Variants in CD8A observed in about 807,000 individuals in gnomAD.
CD8A encodes the protein CD8 subunit alpha, also known as T-cell surface glycoprotein CD8 alpha chain.
CD8A carries 25 observed loss-of-function variants against 24.2 expected under a neutral mutation model. That is an observed-to-expected ratio of 1.03 (90% CI 0.75 to 1.44). The LOEUF (loss-of-function observed/expected upper bound fraction) is 1.44, where lower values mean the gene tolerates loss of function less well. Ranked by LOEUF, CD8A falls within the 40% of genes most tolerant of loss-of-function variation. The pLI, the probability that CD8A is intolerant of heterozygous loss-of-function variation, is 0.00. For synonymous variants in CD8A, 165 were observed against 149.9 expected (o/e 1.10, Z -0.74); for missense variants, 360 against 319.7 (o/e 1.13, Z -0.96).
intron 5 of CD8A, among the ~76,000 whole-genome samples, chr2:86,786,648 A>C (rs3020728): frequency 0.1 from 15,285 of 152,216 alleles, 1,051 homozygotes; most frequent in Non-Finnish European, 0.16. Flanking sequence ...ATTCATCTCA[A>C]AATGAGAGTT....
upstream of CD8A, among the ~76,000 whole-genome samples, chr2:86,793,146 C>A (rs1383014357): frequency 2.0e-5 from 3 of 152,162 alleles, no homozygotes; most frequent in African/African-American, 7.2e-5. Flanking sequence ...TCTTGTTTCA[C>A]AGTAGAAGGA....
Position 86,785,041 on chromosome 2 carries a change from A to G in CD8A, c.*879T>C, listed in dbSNP as rs769432291. On this transcript the variant is annotated 3_prime_UTR_variant, in exon 6 of 6. Transcript: ENST00000283635. ...ATCCCAGGAACATGTTTGTATCTCAAATTCAGAGATTCAAGAGGGCCTTAG... is the reference window on the plus strand; with the variant it reads ...ATCCCAGGAACATGTTTGTATCTCAGATTCAGAGATTCAAGAGGGCCTTAG... The G allele has an allele frequency of 8.8e-6, 4 of 453,778 alleles. No individual in the cohort carries two copies. The highest frequency in any genetic ancestry group is 1.6e-5 in the South Asian group (1 of 64,470). 28.1% of individuals were successfully genotyped at this position (453,778 alleles called of 1,614,324 possible).
At chr2:86,796,234 T>C (rs181546317) in intron 3 of CD8A, among the ~76,000 whole-genome samples, 1 of 152,156 alleles carries the variant, frequency 6.6e-6, no homozygotes, top group Non-Finnish European at 1.5e-5. Context: ...TATATTAGCA[T>C]GGTGAAGTGT....
intron 2 of CD8A, among the ~76,000 whole-genome samples, chr2:86,804,576 ATTG>A (rs1297703460): frequency 2.0e-5 from 3 of 152,118 alleles, no homozygotes; most frequent in Admixed American, 6.5e-5. Flanking sequence ...AAATGGTAAG[ATTG>A]TTATGTGTAT....
At chr2:86,793,219 C>A (rs1333381768), upstream of CD8A, among the ~76,000 whole-genome samples, 1 of 152,112 alleles carries the variant, frequency 6.6e-6, no homozygotes, top group East Asian at 1.9e-4. Context: ...TATGGGTGTT[C>A]CATAATTTAA....
chr2:86,803,353 A>T (rs934267674), intron 2 of CD8A, among the ~76,000 whole-genome samples: 2 of 152,230 alleles, frequency 1.3e-5, no homozygotes, highest in Admixed American at 6.5e-5. Context: ...TAACCAAGAT[A>T]TGGAGACAAC....
chr2:86,785,588 G>T lies in CD8A; in HGVS notation c.*332C>A. 1.8e-6 allele frequency: 1 copy of T among 549,264 alleles called. No individual in the cohort carries two copies. Among genetic ancestry groups the T allele is most frequent in the Non-Finnish European group, 3.5e-6 (1 of 288,458 alleles). The allele number at this position is 549,264 out of a possible 1,614,324, so 34.0% of individuals were successfully genotyped here. ...TAGCCTCCCCCTTTGTAAAACGGGC[G>T]GGGAAGAGGTTGAGATGGCATGGGT... On this transcript the variant is annotated 3_prime_UTR_variant, in exon 6 of 6. Transcript: ENST00000283635.
chr2:86,789,410 C>A lies in CD8A; in HGVS notation c.538G>T (p.Ala180Ser), dbSNP rs903026228. Residue 180 changes from alanine to serine, a missense_variant, in exon 4 of 6, where the codon GCC (alanine) becomes TCC (serine). Physicochemically the swap from Ala to Ser is moderately conservative, Grantham distance 99. Coordinates refer to ENST00000283635, the MANE Select transcript of CD8A (RefSeq NM_001768.7). ...GGCGCCCAGATGTAGATATCACAGGCGAAGTCCAGCCCCCTCGTGTGCACT... is the reference window on the plus strand; with the variant it reads ...GGCGCCCAGATGTAGATATCACAGGAGAAGTCCAGCCCCCTCGTGTGCACT... ...GAVHTRGLDF[A>S]CDIYIWAPLA... is the part of the protein sequence containing the mutation. The A allele has an allele frequency of 6.2e-7, 1 of 1,613,930 alleles. No homozygotes were observed. Among genetic ancestry groups the A allele is most frequent in the East Asian group, 2.2e-5 (1 of 44,862 alleles).
intron 3 of CD8A, among the ~76,000 whole-genome samples, chr2:86,798,395 G>C (rs187370289): frequency 6.6e-6 from 1 of 151,724 alleles, no homozygotes; most frequent in Non-Finnish European, 1.5e-5. Context: ...GGCTGGTCTC[G>C]AACTCCCAAC....
chr2:86,789,544 C>A, intron 3 of CD8A, 96 bp downstream of exon 3: 1 of 1,311,984 alleles, frequency 7.6e-7, no homozygotes, highest in Non-Finnish European at 1.1e-6. Flanking sequence ...ACCACTTGGA[C>A]AGCCCTTGAC....
intron 3 of CD8A, among the ~76,000 whole-genome samples, chr2:86,800,202 G>A (rs1049722991): frequency 3.3e-5 from 5 of 152,096 alleles, no homozygotes; most frequent in Admixed American, 6.5e-5. Flanking sequence ...GCTCATGCCT[G>A]TAATCCCAGC....
chr2:86,786,422 C>A (rs906372521), intron 5 of CD8A, among the ~76,000 whole-genome samples: 1 of 152,178 alleles, frequency 6.6e-6, no homozygotes, highest in Non-Finnish European at 1.5e-5. Flanking sequence ...AATGATGTTA[C>A]GCTAAAAACG....
chr2:86,791,032 A>G, upstream of CD8A: 1 of 715,710 alleles, frequency 1.4e-6, no homozygotes, highest in Non-Finnish European at 2.5e-6. Context: ...CCCGGCGAGG[A>G]GGCTGGGGCC....
intron 3 of CD8A, among the ~76,000 whole-genome samples, chr2:86,801,174 C>CT (rs971410902): frequency 1.3e-5 from 2 of 152,242 alleles, no homozygotes. Context: ...TTGAAGCCAC[C>CT]TAGTTTGTGG....
chr2:86,794,132 C>T (rs746238427), upstream of CD8A, among the ~76,000 whole-genome samples: 3 of 152,058 alleles, frequency 2.0e-5, no homozygotes, highest in Non-Finnish European at 4.4e-5. Flanking sequence ...TTCCCAAACC[C>T]CACACTGTAG....
intron 2 of CD8A, 29 bp downstream of exon 2, chr2:86,790,299 G>C (rs200235272): frequency 6.6e-7 from 1 of 1,514,022 alleles, no homozygotes; most frequent in East Asian, 2.3e-5. Flanking sequence ...AGCCCCACGC[G>C]GAGAGGTGCC....
At chr2:86,797,885 C>T (rs1470185382) in intron 3 of CD8A, among the ~76,000 whole-genome samples, 1 of 152,140 alleles carries the variant, frequency 6.6e-6, no homozygotes, top group Non-Finnish European at 1.5e-5. Flanking sequence ...TTAATTATGA[C>T]AGAAAGATGG....
In CD8A at chr2:86,790,635, G is replaced by C; in HGVS notation, c.96C>G (p.Thr32=). 6.2e-7 allele frequency: 1 copy of C among 1,604,160 alleles called. No homozygotes were observed. The highest frequency in any genetic ancestry group is 8.5e-7 in the Non-Finnish European group (1 of 1,179,138). ...GCTCCACTGTCTCGCCCAGGTTCCAGGTCCGATCCAGCGGCGACACCCGGA... is the reference window on the plus strand; with the variant it reads ...GCTCCACTGTCTCGCCCAGGTTCCACGTCCGATCCAGCGGCGACACCCGGA... ...SQFRVSPLDR[T]WNLGETVELK... The change falls in exon 2 of 6, where the codon ACC becomes ACG. Residue 32 remains threonine (T), a synonymous_variant. Coordinates refer to ENST00000283635, the MANE Select transcript of CD8A (RefSeq NM_001768.7).
chr2:86,788,426 A>G lies in CD8A; in HGVS notation c.656+104T>C, dbSNP rs536272366. 1.9e-3 allele frequency: 1,749 copies of G among 914,750 alleles called. 5 individuals carry two copies. The highest frequency in any genetic ancestry group is 2.7e-3 in the Non-Finnish European group (1,515 of 559,092). 56.7% of individuals were successfully genotyped at this position (914,750 alleles called of 1,614,324 possible). On this transcript the variant is annotated intron_variant, in intron 5 of 5. Coordinates refer to ENST00000283635, the MANE Select transcript of CD8A (RefSeq NM_001768.7). ...CTCCCTGCCCCAGGATTTCACGGCC[A>G]TGACCTCTCTCTGGGAAAAGTTCCC...
Sources: gnomAD v4.1 joint callset for allele counts (sites outside exome capture counted in the v4.1 genomes callset) on GRCh38, gnomAD v4.1.1 for gene constraint, MANE v1.5 for transcripts, NCBI Gene and HGNC (gene_info 2026-07-23, HGNC 2026-07-21) for gene names.